Variants in CNTN3 observed in about 807,000 individuals in gnomAD.
CNTN3 encodes the protein contactin 3.
CNTN3 carries 60 observed loss-of-function variants against 119.1 expected under a neutral mutation model. That is an observed-to-expected ratio of 0.50 (90% confidence interval 0.41 to 0.62). The LOEUF (loss-of-function observed/expected upper bound fraction) is 0.62. Ranked by LOEUF, CNTN3 falls within the 20% of genes least tolerant of loss-of-function variation. The pLI, the probability that CNTN3 is intolerant of heterozygous loss-of-function variation, is 0.00. For synonymous variants in CNTN3, 450 were observed against 438.7 expected (o/e 1.03, Z -0.32); for missense variants, 1,101 against 1,242.4 (o/e 0.89, Z 1.71).
At chr3:74,531,544 A>C (rs917761626) in intron 1 of CNTN3, among the ~76,000 whole-genome samples, 1 of 151,990 alleles carries the variant, frequency 6.6e-6, no homozygotes, top group East Asian at 1.9e-4. Context: ...GGGACACAGA[A>C]CAGTGGAAAA....
At chr3:74,320,303 T>A (rs1702955310) in intron 13 of CNTN3, among the ~76,000 whole-genome samples, 1 of 151,982 alleles carries the variant, frequency 6.6e-6, no homozygotes, top group African/African-American at 2.4e-5. Flanking sequence ...ATTAAGAAAA[T>A]GTGGCACATA....
At chr3:74,589,094 A>G (rs1429395811) in intron 1 of CNTN3, among the ~76,000 whole-genome samples, 3 of 150,792 alleles carry the variant, frequency 2.0e-5, no homozygotes, top group Non-Finnish European at 4.5e-5. Flanking sequence ...ACAAAAGCCA[A>G]AATTGACAAA....
chr3:74,553,261 G>T (rs189889333), intron 1 of CNTN3, among the ~76,000 whole-genome samples: 49 of 152,286 alleles, frequency 3.2e-4, no homozygotes, highest in Admixed American at 2.9e-3. Flanking sequence ...CAAAGGACAT[G>T]AACTCATCCT....
At chr3:74,347,233 C>A (rs1410766692) in intron 11 of CNTN3, among the ~76,000 whole-genome samples, 2 of 152,134 alleles carry the variant, frequency 1.3e-5, no homozygotes, top group East Asian at 3.9e-4. Context: ...CTCTTTTTCT[C>A]AGCTGCCACT....
intron 5 of CNTN3, among the ~76,000 whole-genome samples, chr3:74,384,882 A>G (rs1033094720): frequency 2.6e-5 from 4 of 152,150 alleles, no homozygotes; most frequent in African/African-American, 9.7e-5. Context: ...TATCTCAACA[A>G]CATATCTTCT....
At chr3:74,446,377 A>G (rs570117615) in intron 4 of CNTN3, among the ~76,000 whole-genome samples, 20 of 152,250 alleles carry the variant, frequency 1.3e-4, no homozygotes, top group Admixed American at 7.8e-4. Flanking sequence ...GTTTATTGAG[A>G]TTGACAGGGG....
chr3:74,329,341 T>G (rs570227050), intron 13 of CNTN3, among the ~76,000 whole-genome samples: 1 of 152,332 alleles, frequency 6.6e-6, no homozygotes, highest in African/African-American at 2.4e-5. Flanking sequence ...GTGACTTTTA[T>G]CCACAAACAT....
chr3:74,437,330 C>T (rs1233472122), intron 4 of CNTN3, among the ~76,000 whole-genome samples: 8 of 151,856 alleles, frequency 5.3e-5, no homozygotes, highest in South Asian at 2.1e-4. Flanking sequence ...GGTGTGGTGG[C>T]GGACACCTGT....
At chr3:74,505,213 C>T (rs1353365461) in intron 2 of CNTN3, among the ~76,000 whole-genome samples, 2 of 151,874 alleles carry the variant, frequency 1.3e-5, no homozygotes, top group Non-Finnish European at 2.9e-5. Context: ...TACTGGAGTT[C>T]AAGACTCCAA....
At chr3:74,445,515 C>T (rs1265093044) in intron 4 of CNTN3, among the ~76,000 whole-genome samples, 3 of 152,108 alleles carry the variant, frequency 2.0e-5, no homozygotes, top group Admixed American at 6.5e-5. Flanking sequence ...CCATGTACCA[C>T]GGCCTCCCAA....
chr3:74,511,749 TG>T (rs1442348506), intron 2 of CNTN3, among the ~76,000 whole-genome samples: 1 of 152,296 alleles, frequency 6.6e-6, no homozygotes, highest in East Asian at 1.9e-4. Context: ...AAAATGTTAT[TG>T]GAACACAGCC....
intron 2 of CNTN3, among the ~76,000 whole-genome samples, chr3:74,503,737 G>GT (rs1575789562): frequency 6.6e-6 from 1 of 152,092 alleles, no homozygotes; most frequent in African/African-American, 2.4e-5. Context: ...TGGATTCAAC[G>GT]TAACATTCGG....
At chr3:74,507,823 G>A (rs1295253962) in intron 2 of CNTN3, among the ~76,000 whole-genome samples, 3 of 151,610 alleles carry the variant, frequency 2.0e-5, no homozygotes, top group African/African-American at 7.3e-5. Context: ...GTAGAGACTG[G>A]GTTTCCCTGT....
chr3:74,319,374 C>T (rs1377960814), intron 13 of CNTN3, among the ~76,000 whole-genome samples: 5 of 152,112 alleles, frequency 3.3e-5, no homozygotes, highest in South Asian at 2.1e-4. Context: ...TATCTACAAC[C>T]ATCTGATCTT....
At chr3:74,299,762 C>A in intron 17 of CNTN3, 106 bp downstream of exon 17, 1 of 829,160 alleles carries the variant, frequency 1.2e-6, no homozygotes, top group East Asian at 2.7e-5. Context: ...GCCACACCCC[C>A]AGCACTACCA....
intron 4 of CNTN3, among the ~76,000 whole-genome samples, chr3:74,434,264 A>C (rs1701831058): frequency 6.6e-6 from 1 of 152,220 alleles, no homozygotes; most frequent in South Asian, 2.1e-4. Flanking sequence ...GCTTTTCAAG[A>C]GAGGAACCTT....
chr3:74,461,888 C>A (rs967243164), intron 4 of CNTN3, among the ~76,000 whole-genome samples: 1 of 152,088 alleles, frequency 6.6e-6, no homozygotes, highest in African/African-American at 2.4e-5. Flanking sequence ...ATACTGACCA[C>A]ATGGATATTA....
At chr3:74,348,008 A>C (rs1703732617) in intron 11 of CNTN3, among the ~76,000 whole-genome samples, 1 of 152,224 alleles carries the variant, frequency 6.6e-6, no homozygotes. Flanking sequence ...AAAAAGTAGA[A>C]TGGTGATTGC....
chr3:74,362,579 T>C (rs1476393810), intron 10 of CNTN3, among the ~76,000 whole-genome samples: 1 of 152,346 alleles, frequency 6.6e-6, no homozygotes, highest in East Asian at 1.9e-4. Context: ...TTTTAAATGC[T>C]ATAATATTGC....
Sources: gnomAD v4.1 joint callset for allele counts (sites outside exome capture counted in the v4.1 genomes callset) on GRCh38, gnomAD v4.1.1 for gene constraint, MANE v1.5 for transcripts, NCBI Gene and HGNC (gene_info 2026-07-23, HGNC 2026-07-21) for gene names.